SDK1: variants seen among roughly 807,000 people sequenced by gnomAD.
SDK1 encodes the protein protein sidekick-1.
Under a neutral mutation model 245.5 loss-of-function variants are expected in SDK1, and 157 were observed. The ratio of observed to expected loss-of-function variants is 0.64; its 90% CI spans 0.56 to 0.73. SDK1 has a LOEUF of 0.73. Among genes scored for constraint, SDK1 ranks in the 30% least tolerant of loss-of-function variants. SDK1 has a pLI of 0.00. For synonymous variants in SDK1, 1,647 were observed against 1,278.5 expected (o/e 1.29, Z -6.15); for missense variants, 3,583 against 3,002.3 (o/e 1.19, Z -4.52).
intron 4 of SDK1, among the ~76,000 whole-genome samples, chr7:3,763,343 A>G (rs1441503817): frequency 6.6e-6 from 1 of 152,206 alleles, no homozygotes; most frequent in Non-Finnish European, 1.5e-5. Flanking sequence ...TCAACATTTT[A>G]TTATAAACAT....
chr7:4,266,422 G>A lies in SDK1; in HGVS notation c.*1038G>A, dbSNP rs1788474998. 3 of 985,248 alleles carry A rather than the reference G, an allele frequency of 3.0e-6. No homozygotes were observed. Among genetic ancestry groups the A allele is most frequent in the Non-Finnish European group, 3.6e-6 (3 of 829,902 alleles). 61.0% of individuals were successfully genotyped at this position (985,248 alleles called of 1,614,324 possible). On this transcript the variant is annotated 3_prime_UTR_variant, in exon 45 of 45. Coordinates refer to ENST00000404826, the MANE Select transcript of SDK1 (RefSeq NM_152744.4). ...CTCTGAGAACACACGCTCCCGACTCGCCTCGTGCACACCAGGCCGTCCCCT... is the reference window on the plus strand; with the variant it reads ...CTCTGAGAACACACGCTCCCGACTCACCTCGTGCACACCAGGCCGTCCCCT...
At chr7:3,444,829 C>G (rs1040052797) in intron 1 of SDK1, among the ~76,000 whole-genome samples, 2 of 152,116 alleles carry the variant, frequency 1.3e-5, no homozygotes, top group African/African-American at 2.4e-5. Flanking sequence ...AAATGTGATC[C>G]CCTTTAGAGC....
At position 3,448,539 on chromosome 7, in the gene SDK1, G is replaced by A. The variant is rs77720196; in HGVS notation, c.298+146655G>A. ...ATCTTTGTTTAGGTTTTCCATCTTA[G>A]TTCTACAAATATTTGCCTAAATTCT... On this transcript the variant is annotated intron_variant, in intron 1 of 44. Transcript: ENST00000404826. Among the ~76,000 whole-genome samples the A allele has an allele frequency of 5.1e-3, 775 of 151,822 alleles. 4 individuals are homozygous for A. Among genetic ancestry groups the A allele is most frequent in the African/African-American group, 0.018 (746 of 41,388 alleles).
intron 1 of SDK1, among the ~76,000 whole-genome samples, chr7:3,476,530 A>T (rs1459499712): frequency 6.6e-6 from 1 of 152,222 alleles, no homozygotes; most frequent in African/African-American, 2.4e-5. Flanking sequence ...TTATTACCAA[A>T]AAGTTTGGGG....
intron 4 of SDK1, among the ~76,000 whole-genome samples, chr7:3,769,524 A>G (rs933957535): frequency 6.6e-6 from 1 of 152,194 alleles, no homozygotes. Context: ...ATTGCCCCTA[A>G]GCTCCCATCT....
At chr7:3,500,638 C>A (rs915396929) in intron 1 of SDK1, among the ~76,000 whole-genome samples, 2 of 150,098 alleles carry the variant, frequency 1.3e-5, no homozygotes, top group Non-Finnish European at 3.0e-5. Flanking sequence ...ATCTCATTTT[C>A]CTTTGTGCTC....
At chr7:4,141,125 C>A (rs1348003105) in intron 28 of SDK1, among the ~76,000 whole-genome samples, 1 of 152,202 alleles carries the variant, frequency 6.6e-6, no homozygotes, top group African/African-American at 2.4e-5. Context: ...GCAGTGTATC[C>A]TCCAAGGCAA....
chr7:4,134,818 C>T (rs1778952369), intron 28 of SDK1: 1 of 152,416 alleles, frequency 6.6e-6, no homozygotes, highest in African/African-American at 2.4e-5. Flanking sequence ...GCATGTGCTT[C>T]ATCTGTGCTT....
At chr7:3,481,862 T>A (rs73038536) in intron 1 of SDK1, among the ~76,000 whole-genome samples, 1 of 152,346 alleles carries the variant, frequency 6.6e-6, no homozygotes, top group Non-Finnish European at 1.5e-5. Context: ...TTATCCCTGT[T>A]GATTGCACAG....
intron 1 of SDK1, among the ~76,000 whole-genome samples, chr7:3,486,467 C>T (rs565917600): frequency 1.3e-5 from 2 of 151,854 alleles, no homozygotes; most frequent in East Asian, 1.9e-4. Context: ...TGTTTTTACC[C>T]CCCTAATTTT....
At chr7:4,254,134 A>C (rs1787481412) in intron 44 of SDK1, among the ~76,000 whole-genome samples, 1 of 152,128 alleles carries the variant, frequency 6.6e-6, no homozygotes, top group South Asian at 2.1e-4. Flanking sequence ...CCGGTAGATT[A>C]ATGATTTTTA....
rs1779340794 is a variant in SDK1, at chr7:3,415,586, A to C, written c.298+113702A>C. On this transcript the variant is annotated intron_variant, in intron 1 of 44. Transcript: ENST00000404826. ...TGCTCATAGATGGAAATGCCCATAT[A>C]CACACACAGAAGTACAAAAAGGATT... Among the ~76,000 whole-genome samples, 3 of 152,032 alleles carry C rather than the reference A, an allele frequency of 2.0e-5. No homozygotes were observed. The South Asian group carries it at 6.2e-4, about 32-fold the overall frequency.
chr7:3,399,702 G>A (rs75489720), intron 1 of SDK1, among the ~76,000 whole-genome samples: 9,303 of 152,098 alleles, frequency 0.061, 800 homozygotes, highest in African/African-American at 0.19. Context: ...GTGGTCAGTT[G>A]ATGATTGGAC....
In SDK1 at chr7:3,458,719, T is replaced by G. The variant is rs185211049; in HGVS notation, c.298+156835T>G. Among the ~76,000 whole-genome samples, 5 of 152,226 alleles carry G rather than the reference T, an allele frequency of 3.3e-5. No individual in the cohort carries two copies. The East Asian group carries it at 9.7e-4, about 29-fold the overall frequency. The stretch of plus-strand genomic sequence containing the variant: ...TGCAGCATCATTATAATTAACATAA[T>G]CATCCTTTCTCCAGTGCAGCGCAGT... On this transcript the variant is annotated intron_variant, in intron 1 of 44. Coordinates refer to ENST00000404826, the MANE Select transcript of SDK1 (RefSeq NM_152744.4).
chr7:3,704,901 C>T (rs1401146370), intron 4 of SDK1, among the ~76,000 whole-genome samples: 1 of 152,184 alleles, frequency 6.6e-6, no homozygotes, highest in South Asian at 2.1e-4. Context: ...CATTCTTCTA[C>T]ATGTGGCTAG....
intron 5 of SDK1, among the ~76,000 whole-genome samples, chr7:3,887,297 A>G (rs960556985): frequency 1.3e-5 from 2 of 152,144 alleles, no homozygotes; most frequent in Non-Finnish European, 2.9e-5. Context: ...TGATAATGAC[A>G]TTTCTATTTC....
At chr7:3,663,947 A>G (rs1256533383) in intron 4 of SDK1, among the ~76,000 whole-genome samples, 1 of 152,230 alleles carries the variant, frequency 6.6e-6, no homozygotes, top group South Asian at 2.1e-4. Context: ...ATACACTTCC[A>G]TGGTATGCTA....
At chr7:3,929,682 G>A (rs1779905450) in intron 5 of SDK1, among the ~76,000 whole-genome samples, 1 of 152,154 alleles carries the variant, frequency 6.6e-6, no homozygotes. Flanking sequence ...GAGTGATAGG[G>A]AGTGTTTTGG....
intron 28 of SDK1, among the ~76,000 whole-genome samples, chr7:4,138,748 C>CAAA (rs55654163): frequency 2.8e-4 from 39 of 141,774 alleles, no homozygotes; most frequent in South Asian, 1.1e-3. Flanking sequence ...AACTCTGTCT[C>CAAA]AAAAAAAAAA....
Sources: gnomAD v4.1 joint callset for allele counts (sites outside exome capture counted in the v4.1 genomes callset) on GRCh38, gnomAD v4.1.1 for gene constraint, MANE v1.5 for transcripts, NCBI Gene and HGNC (gene_info 2026-07-23, HGNC 2026-07-21) for gene names.